The following KCNN2 variants were observed in gnomAD, a reference collection of about 807,000 sequenced individuals.
The protein encoded by KCNN2 is potassium calcium-activated channel subfamily N member 2, also known as small conductance calcium-activated potassium channel protein 2.
A neutral mutation model predicts 55.5 loss-of-function variants in KCNN2; 24 were observed. The ratio of observed to expected loss-of-function variants is 0.43; its 90% CI spans 0.31 to 0.61. KCNN2 has a LOEUF of 0.61. Among genes scored for constraint, KCNN2 ranks in the 20% least tolerant of loss-of-function variants. The pLI is 0.08. For missense variants in KCNN2, 754 were observed against 853.6 expected (o/e 0.88, Z 1.45); for synonymous variants, 431 against 336.1 (o/e 1.28, Z -3.09).
intron 1 of KCNN2, among the ~76,000 whole-genome samples, chr5:114,068,227 G>A (rs992234590): frequency 1.3e-5 from 2 of 152,160 alleles, no homozygotes; most frequent in African/African-American, 2.4e-5. Context: ...AAGGTTAGAG[G>A]TCAATAGTCC....
intron 1 of KCNN2, among the ~76,000 whole-genome samples, chr5:114,150,945 C>T (rs552713039): frequency 1.5e-4 from 23 of 152,134 alleles, no homozygotes; most frequent in African/African-American, 3.4e-4. Flanking sequence ...TGCTTGAACC[C>T]GGGAGGCAGA....
intron 2 of KCNN2, among the ~76,000 whole-genome samples, chr5:114,347,769 A>C (rs2150038994): frequency 6.6e-6 from 1 of 152,300 alleles, no homozygotes; most frequent in South Asian, 2.1e-4. Flanking sequence ...CCCATGAGTA[A>C]ATTAGTTTTT....
Position 114,066,220 on chromosome 5 carries a change from T to A in KCNN2, c.-271+9720T>A, listed in dbSNP as rs568471446. 2.0e-5 allele frequency among the ~76,000 whole-genome samples: 3 copies of A among 152,320 alleles called. No homozygotes were observed. In the East Asian group the frequency reaches 5.8e-4, roughly 29 times the overall value. ...TGGTGTCATAAAGAACTTTCTCTCT[T>A]TCTCTGTCTCTAATTTTATCCCCAT... On this transcript the variant is annotated intron_variant, in intron 1 of 10. Coordinates refer to the KCNN2 transcript ENST00000512097.
intron 2 of KCNN2, among the ~76,000 whole-genome samples, chr5:114,398,203 G>A (rs1360586855): frequency 2.0e-5 from 3 of 152,120 alleles, no homozygotes; most frequent in Non-Finnish European, 2.9e-5. Context: ...ATTGATTTTT[G>A]TATATTGTAT....
At chr5:114,101,150 T>C (rs998784513) in intron 1 of KCNN2, among the ~76,000 whole-genome samples, 1 of 152,036 alleles carries the variant, frequency 6.6e-6, no homozygotes, top group Non-Finnish European at 1.5e-5. Context: ...TTTTTGGATA[T>C]AATTTGCTTG....
At chr5:114,284,801 A>G (rs1755701559) in intron 2 of KCNN2, among the ~76,000 whole-genome samples, 1 of 151,942 alleles carries the variant, frequency 6.6e-6, no homozygotes, top group South Asian at 2.1e-4. Context: ...TACAGGCGTC[A>G]GCCACCGCGC....
chr5:114,165,500 G>A (rs557680360), intron 1 of KCNN2, among the ~76,000 whole-genome samples: 10 of 152,184 alleles, frequency 6.6e-5, no homozygotes, highest in African/African-American at 2.4e-4. Context: ...ATTGTAACAA[G>A]GCATAACATC....
At chr5:114,305,865 T>C (rs867537232) in intron 2 of KCNN2, among the ~76,000 whole-genome samples, 1 of 151,972 alleles carries the variant, frequency 6.6e-6, no homozygotes, top group African/African-American at 2.4e-5. Flanking sequence ...TACCAGAAAA[T>C]AGGTTTATAG....
intron 2 of KCNN2, among the ~76,000 whole-genome samples, chr5:114,277,599 C>G (rs542165612): frequency 2.0e-5 from 3 of 152,190 alleles, no homozygotes; most frequent in African/African-American, 4.8e-5. Context: ...TTTTCAATCA[C>G]TGATATCCTT....
chr5:114,409,460 T>A (rs1759054987), intron 3 of KCNN2, among the ~76,000 whole-genome samples: 1 of 152,186 alleles, frequency 6.6e-6, no homozygotes, highest in African/African-American at 2.4e-5. Context: ...ATACTAAATA[T>A]AACACACAGC....
intron 1 of KCNN2, among the ~76,000 whole-genome samples, chr5:114,107,158 C>G (rs1310977757): frequency 1.3e-5 from 2 of 152,094 alleles, no homozygotes; most frequent in African/African-American, 4.8e-5. Flanking sequence ...ACTATTATTT[C>G]TCACTGCACT....
intron 2 of KCNN2, among the ~76,000 whole-genome samples, chr5:114,364,568 A>G (rs1312156302): frequency 2.0e-5 from 3 of 151,088 alleles, no homozygotes; most frequent in African/African-American, 7.3e-5. Flanking sequence ...GTCATGAAGT[A>G]TTTTTTAAAA....
chr5:114,427,541 G>A lies in KCNN2; in HGVS notation c.1637+22685G>A, dbSNP rs141307917. 7.4e-3 allele frequency among the ~76,000 whole-genome samples: 1,126 copies of A among 152,292 alleles called. 2 individuals carry two copies. Among genetic ancestry groups the A allele is most frequent in the Middle Eastern group, 0.02 (6 of 294 alleles). ...TTAGAGTCCTATTATGTTAATATTG[G>A]TCCCAGTGTTTATAGAATTTGTACT... On this transcript the variant is annotated intron_variant, in intron 3 of 7. Transcript: ENST00000673685.
intron 5 of KCNN2, among the ~76,000 whole-genome samples, chr5:114,478,175 C>CTTGAATTGGCGAGGAGTGGAAGTGT (rs1762057092): frequency 2.6e-5 from 4 of 152,096 alleles, no homozygotes; most frequent in Admixed American, 2.0e-4. Flanking sequence ...GTGCATTCCC[C>CTTGAATTGGCGAGGAGTGGAAGTGT]TTGAATTGGC....
In KCNN2 at chr5:114,095,492, G is replaced by A. The variant is rs79717526; in HGVS notation, c.-271+38992G>A. Among the ~76,000 whole-genome samples, 216 of 152,164 alleles carry A rather than the reference G, an allele frequency of 1.4e-3. 1 individual carries two copies. The highest frequency in any genetic ancestry group is 2.3e-3 in the Non-Finnish European group (156 of 68,002). Reference sequence around the variant, plus strand: ...TATAACCTCATCTCACTGGATCCTGGGAGAGATTTGGCATCACAGTGGAAT... The same window carrying A: ...TATAACCTCATCTCACTGGATCCTGAGAGAGATTTGGCATCACAGTGGAAT... On this transcript the variant is annotated intron_variant, in intron 1 of 10. Coordinates refer to the KCNN2 transcript ENST00000512097.
chr5:114,405,657 T>G (rs1163865655), intron 3 of KCNN2, among the ~76,000 whole-genome samples: 1 of 152,168 alleles, frequency 6.6e-6, no homozygotes, highest in Non-Finnish European at 1.5e-5. Flanking sequence ...TAGACATTTC[T>G]AGGAGTGTTG....
At chr5:114,362,055 G>C (rs1039632660), upstream of KCNN2, 37 of 153,678 alleles carry the variant, frequency 2.4e-4, no homozygotes, top group Non-Finnish European at 5.4e-4. Context: ...CCTCGCACCA[G>C]CAGCAGGAGT....
At chr5:114,472,994 G>T in intron 4 of KCNN2, 60 bp from the exon 5 acceptor site, 2 of 931,328 alleles carry the variant, frequency 2.1e-6, no homozygotes, top group Non-Finnish European at 1.6e-6. Context: ...ATTTTCTAAT[G>T]TGTCTGAGAC....
At chr5:114,145,677 A>G (rs1043736795) in intron 1 of KCNN2, among the ~76,000 whole-genome samples, 6 of 143,260 alleles carry the variant, frequency 4.2e-5, no homozygotes, top group Admixed American at 2.1e-4. Context: ...GCATCCAAAT[A>G]CTATCATTAA....
Sources: allele counts gnomAD v4.1 joint callset (sites outside exome capture counted in the v4.1 genomes callset), GRCh38; gene constraint gnomAD v4.1.1; transcripts MANE v1.5; gene names NCBI Gene and HGNC (gene_info 2026-07-23, HGNC 2026-07-21).